KCNQ2: variants seen among roughly 807,000 people sequenced by gnomAD.
KCNQ2 encodes potassium voltage-gated channel subfamily KQT member 2.
Under a neutral mutation model 84.8 loss-of-function variants are expected in KCNQ2, and 14 were observed. The observed-to-expected ratio is 0.17, with a 90% CI of 0.11 to 0.26. KCNQ2 has a LOEUF of 0.26. Among genes scored for constraint, KCNQ2 ranks in the 10% least tolerant of loss-of-function variants. The probability of loss-of-function intolerance (pLI) is 1.00; values close to 1 mark genes in which losing one functional copy is unlikely to be tolerated. For synonymous variants in KCNQ2, 599 were observed against 554.1 expected, an observed-to-expected ratio of 1.08 and a Z score of -1.14; for missense variants, 788 against 1,254.0, an observed-to-expected ratio of 0.63 and a Z score of 5.61.
intron 4 of KCNQ2, among the ~76,000 whole-genome samples, chr20:63,443,323 C>T (rs2081299271): frequency 7.7e-6 from 1 of 129,798 alleles, no homozygotes; most frequent in Non-Finnish European, 1.7e-5. Flanking sequence ...TCACCACCAC[C>T]ACCATCACCA....
At chr20:63,410,398 T>G (rs1458446916) in intron 15 of KCNQ2, among the ~76,000 whole-genome samples, 3 of 152,198 alleles carry the variant, frequency 2.0e-5, no homozygotes, top group Admixed American at 2.0e-4. Context: ...CAGTGCCCCG[T>G]GAGGTGGGGC....
intron 14 of KCNQ2, 87 bp from the exon 15 acceptor site, chr20:63,413,668 C>T (rs1480402815): frequency 1.4e-5 from 21 of 1,506,508 alleles, no homozygotes; most frequent in East Asian, 2.3e-5. Flanking sequence ...TCTGAGACCT[C>T]GGCGCCTGGA....
chr20:63,416,023 G>A (rs79842061), intron 12 of KCNQ2, among the ~76,000 whole-genome samples: 5,141 of 152,278 alleles, frequency 0.034, 274 homozygotes, highest in African/African-American at 0.12. Context: ...GGCTTCAGGA[G>A]GGCTCAGGCC....
At chr20:63,421,864 T>C (rs2080481043) in intron 11 of KCNQ2, among the ~76,000 whole-genome samples, 1 of 151,912 alleles carries the variant, frequency 6.6e-6, no homozygotes, top group Non-Finnish European at 1.5e-5. Flanking sequence ...CCCCGCAGCC[T>C]GCCTGGCTCC....
intron 1 of KCNQ2, among the ~76,000 whole-genome samples, chr20:63,450,618 A>AGGGTCAAGGTG (rs1363195719): frequency 1.4e-4 from 1 of 6,996 alleles, no homozygotes; most frequent in Non-Finnish European, 2.7e-4. Context: ...GAGGTCACAC[A>AGGGTCAAGGTG]GGGTCAAGGT....
At chr20:63,463,484 G>A (rs1024532371) in intron 1 of KCNQ2, among the ~76,000 whole-genome samples, 9 of 151,968 alleles carry the variant, frequency 5.9e-5, no homozygotes, top group Middle Eastern at 3.2e-3. Flanking sequence ...TCCCACACAC[G>A]TGCCCTCTGC....
At chr20:63,443,219 GATCACCACCATCACC>G (rs1211097593) in intron 4 of KCNQ2, among the ~76,000 whole-genome samples, 9 of 13,702 alleles carry the variant, frequency 6.6e-4, no homozygotes, top group African/African-American at 2.7e-3. Context: ...CCACCACCAT[GATCACCACCATCACC>G]ATCACCACCA....
At chr20:63,445,594 G>A in intron 2 of KCNQ2, 1 of 595,958 alleles carries the variant, frequency 1.7e-6, no homozygotes, top group Non-Finnish European at 3.0e-6. Flanking sequence ...ACACCATGGG[G>A]CCACCCTCCC....
In KCNQ2 at chr20:63,433,763, T is replaced by A. The variant is rs200735744; in HGVS notation, c.1118+46A>T. The A allele has an allele frequency of 8.9e-5, 143 of 1,612,910 alleles. 1 individual carries two copies. The East Asian group carries it at 3.0e-3, about 33-fold the overall frequency. The stretch of plus-strand genomic sequence containing the variant: ...GTGGGGTTTAAGAACAAATGGAAAA[T>A]AAAAAATGAAACAGTTGCTTGGTGG... On this transcript the variant is annotated intron_variant, in intron 8 of 16. Transcript: ENST00000359125.
rs868194122 is a variant in KCNQ2 at position 63,401,058 on chromosome 20, C to A, written c.*5586G>T. The A allele has an allele frequency of 7.6e-6, 3 of 394,410 alleles. No individual in the cohort carries two copies. The highest frequency in any genetic ancestry group is 6.2e-5 in the African/African-American group (3 of 48,642). 24.4% of individuals were successfully genotyped at this position (394,410 alleles called of 1,614,324 possible). On this transcript the variant is annotated 3_prime_UTR_variant, in exon 17 of 17. Transcript: ENST00000359125. The stretch of plus-strand genomic sequence containing the variant: ...CGGCCCCTCCTTGCTGGCGCCTGGC[C>A]GAGAGTCAGACGCTGAGGACCTCTC...
At chr20:63,472,025 T>C (rs1406155248) in intron 1 of KCNQ2, 143 bp downstream of exon 1, 7 of 597,074 alleles carry the variant, frequency 1.2e-5, no homozygotes, top group Non-Finnish European at 1.9e-5. Context: ...GGCCCAGCAC[T>C]CCCGCCGGGG....
At chr20:63,413,076 C>T (rs2080170597) in intron 15 of KCNQ2, among the ~76,000 whole-genome samples, 3 of 152,128 alleles carry the variant, frequency 2.0e-5, no homozygotes, top group African/African-American at 7.2e-5. Context: ...CATGTATGCA[C>T]CCCACACACG....
chr20:63,451,402 G>A (rs1024413940), intron 1 of KCNQ2, among the ~76,000 whole-genome samples: 1 of 152,052 alleles, frequency 6.6e-6, no homozygotes, highest in Non-Finnish European at 1.5e-5. Flanking sequence ...GGCAATATAC[G>A]GTCTGCAACA....
intron 1 of KCNQ2, among the ~76,000 whole-genome samples, chr20:63,462,499 G>A (rs1259297041): frequency 6.6e-6 from 1 of 152,174 alleles, no homozygotes; most frequent in Non-Finnish European, 1.5e-5. Context: ...GCCTAGAGTG[G>A]TGCCCCAGAG....
rs1310459150 is a variant in KCNQ2, at chr20:63,442,696, C to T, written c.691-165G>A. 1.0e-3 allele frequency among the ~76,000 whole-genome samples: 85 copies of T among 83,398 alleles called. 1 individual carries two copies. The highest frequency in any genetic ancestry group is 1.7e-3 in the Non-Finnish European group (55 of 33,326). 54.7% of individuals were successfully genotyped at this position (83,398 alleles called of 152,430 possible). ...CCACCACCACCACCATCACCATCAC[C>T]ACCATCACCATCACCACCACCACCA... On this transcript the variant is annotated intron_variant, in intron 4 of 16. Coordinates refer to ENST00000359125, the MANE Select transcript of KCNQ2 (RefSeq NM_172107.4).
intron 15 of KCNQ2, chr20:63,409,829 CCTCTG>C (rs2080063880): frequency 7.1e-6 from 1 of 141,424 alleles, no homozygotes; most frequent in Non-Finnish European, 1.5e-5. Flanking sequence ...GCCCTACCTG[CCTCTG>C]ATGGGGGCGG....
At chr20:63,445,187 C>T in intron 3 of KCNQ2, 51 bp downstream of exon 3, 1 of 1,613,264 alleles carries the variant, frequency 6.2e-7, no homozygotes, top group Non-Finnish European at 8.5e-7. Context: ...CTGAGTCCGT[C>T]CCTGGGTGCC....
rs531030507 is a variant in KCNQ2, at chr20:63,438,172, C to T, written c.1023+453G>A. The T allele has an allele frequency of 3.4e-4, 91 of 263,912 alleles. No individual in the cohort carries two copies. In the Middle Eastern group the frequency reaches 4.2e-3, roughly 12 times the overall value. The allele number at this position is 263,912 out of a possible 1,614,324, so 16.3% of individuals were successfully genotyped here. On this transcript the variant is annotated intron_variant, in intron 7 of 16. Coordinates refer to ENST00000359125, the MANE Select transcript of KCNQ2 (RefSeq NM_172107.4). The surrounding 1 kb of genome is among the most constrained non-coding windows in gnomAD (Gnocchi z 5.1). ...TGTGGATGCCACAGTGGTCACTGCA[C>T]GCTACCCACCCCCAAATGGTGGGAC... is the stretch of plus-strand genomic sequence containing the variant.
At position 63,404,903 on chromosome 20, in the gene KCNQ2, C is replaced by CG. The variant is rs1405604213; in HGVS notation, c.*1740dup. 1 of 152,288 alleles carries CG rather than the reference C, an allele frequency of 6.6e-6. No individual in the cohort carries two copies. Among genetic ancestry groups the CG allele is most frequent in the Non-Finnish European group, 1.5e-5 (1 of 68,106 alleles). The allele number at this position is 152,288 out of a possible 1,614,324, so 9.4% of individuals were successfully genotyped here. A position where few individuals can be genotyped will look rare whatever the true frequency, so the allele number is the denominator to read the frequency against. On this transcript the variant is annotated 3_prime_UTR_variant, in exon 17 of 17. Coordinates refer to ENST00000359125, the MANE Select transcript of KCNQ2 (RefSeq NM_172107.4). The stretch of plus-strand genomic sequence containing the variant: ...AGGGAGGGGTGAGGAGACAGCCCAG[C>CG]GGAGGCACCTCAATGGCGACAGGGC...
Sources: gnomAD v4.1 joint callset for allele counts (sites outside exome capture counted in the v4.1 genomes callset) on GRCh38, gnomAD v4.1.1 for gene constraint, Gnocchi (gnomAD v3.1) non-coding constraint, MANE v1.5 for transcripts, NCBI Gene and HGNC (gene_info 2026-07-23, HGNC 2026-07-21) for gene names.